Variants in KMO observed in about 807,000 individuals in gnomAD.
The protein encoded by KMO is kynurenine 3-monooxygenase.
In KMO, 24 loss-of-function variants were observed where a neutral mutation model predicts 57.8. The observed-to-expected ratio is 0.42, with a 90% CI of 0.30 to 0.58. The LOEUF (loss-of-function observed/expected upper bound fraction) is 0.58, where lower values mean the gene tolerates loss of function less well. KMO is among the 20% of genes least tolerant of loss of function. The pLI is 0.22. For synonymous variants in KMO, 210 were observed against 193.6 expected (o/e 1.08, Z -0.70); for missense variants, 483 against 588.2 (o/e 0.82, Z 1.85).
intron 14 of KMO, among the ~76,000 whole-genome samples, chr1:241,591,022 A>G (rs1365522621): frequency 4.6e-5 from 7 of 152,174 alleles, no homozygotes; most frequent in Non-Finnish European, 8.8e-5. Flanking sequence ...CTTGAGAGAA[A>G]CAGGGAGCCC....
At position 241,594,223 on chromosome 1, in the gene KMO, T is replaced by C; in HGVS notation, c.*2070T>C. On this transcript the variant is annotated 3_prime_UTR_variant, in exon 15 of 15. Coordinates refer to ENST00000366559, the MANE Select transcript of KMO (RefSeq NM_003679.5). ...TGTGCCACAAGTGGTTTTTTCATTA[T>C]GTAAAGCACCCGTTGAATTAAAAGA... 2 of 488,708 alleles carry C rather than the reference T, an allele frequency of 4.1e-6. No homozygotes were observed. The highest frequency in any genetic ancestry group is 3.9e-5 in the Admixed American group (1 of 25,938). 30.3% of individuals were successfully genotyped at this position (488,708 alleles called of 1,614,324 possible). A position where few individuals can be genotyped will look rare whatever the true frequency, so the allele number is the denominator to read the frequency against.
intron 1 of KMO, among the ~76,000 whole-genome samples, chr1:241,542,822 G>A (rs1300414259): frequency 1.3e-5 from 2 of 152,090 alleles, no homozygotes; most frequent in Non-Finnish European, 2.9e-5. Flanking sequence ...TTCTGTCTTA[G>A]TCCTTCCTGC....
At chr1:241,549,211 A>AAG (rs1294526737) in intron 2 of KMO, among the ~76,000 whole-genome samples, 17 of 4,718 alleles carry the variant, frequency 3.6e-3, no homozygotes, top group African/African-American at 6.5e-3. Context: ...GGAAGAAAGA[A>AAG]AGAAAGAAAG....
intron 1 of KMO, among the ~76,000 whole-genome samples, chr1:241,536,300 T>C (rs1381872744): frequency 2.6e-5 from 4 of 152,188 alleles, no homozygotes; most frequent in African/African-American, 9.6e-5. Flanking sequence ...ACTGCCTTAC[T>C]TCATGTTAGA....
chr1:241,586,690 C>T lies in KMO; in HGVS notation c.969C>T (p.Asp323=). 1 of 1,599,062 alleles carries T rather than the reference C, an allele frequency of 6.3e-7. No individual in the cohort carries two copies. Among genetic ancestry groups the T allele is most frequent in the Non-Finnish European group, 8.5e-7 (1 of 1,173,172 alleles). Reference sequence around the variant, plus strand: ...TTTTCTTGTTTCAGGGCTTTGAAGACTGCTTGGTATTTGATGAGTTAATGG... The same window carrying T: ...TTTTCTTGTTTCAGGGCTTTGAAGATTGCTTGGTATTTGATGAGTTAATGG... ...FGQGMNAGFE[D]CLVFDELMDK... is the part of the protein sequence containing the mutation. The change falls in exon 11 of 15, where the codon GAC becomes GAT. Residue 323 remains aspartate, a synonymous_variant. Transcript: ENST00000366559.
chr1:241,565,652 A>T (rs1662047612), intron 8 of KMO, among the ~76,000 whole-genome samples: 1 of 151,828 alleles, frequency 6.6e-6, no homozygotes, highest in South Asian at 2.1e-4. Flanking sequence ...TGAGCCCCGA[A>T]GATGGAGGCT....
At chr1:241,549,253 GAAAGAAAGA>G (rs1558414894) in intron 2 of KMO, among the ~76,000 whole-genome samples, 39 of 1,514 alleles carry the variant, frequency 0.026, no homozygotes, top group Admixed American at 0.028. Context: ...AAGAAAGAAA[GAAAGAAAGA>G]AAGAAAGGAA....
chr1:241,562,124 A>G, intron 6 of KMO, 43 bp from the exon 7 acceptor site: 1 of 1,562,886 alleles, frequency 6.4e-7, no homozygotes, highest in Non-Finnish European at 8.8e-7. Context: ...CATTTTCACC[A>G]CTAGACATAT....
chr1:241,552,394 T>C (rs1424454715), intron 4 of KMO, among the ~76,000 whole-genome samples: 1 of 152,168 alleles, frequency 6.6e-6, no homozygotes, highest in Non-Finnish European at 1.5e-5. Context: ...CACTTTTATA[T>C]CTCAGTCAAA....
chr1:241,567,838 T>G (rs1032223382), intron 9 of KMO, among the ~76,000 whole-genome samples: 1 of 152,224 alleles, frequency 6.6e-6, no homozygotes, highest in Non-Finnish European at 1.5e-5. Flanking sequence ...ATGGCTATCT[T>G]TTGCCTTTCC....
chr1:241,547,277 T>G (rs1057493918), intron 1 of KMO, among the ~76,000 whole-genome samples: 2 of 152,078 alleles, frequency 1.3e-5, no homozygotes, highest in Admixed American at 1.3e-4. Context: ...AAATAAAAGA[T>G]TGGTGAATAT....
chr1:241,555,380 G>A (rs1418360032), intron 4 of KMO, among the ~76,000 whole-genome samples: 2 of 152,170 alleles, frequency 1.3e-5, no homozygotes. Context: ...GATTTTTAAA[G>A]TATTAAACTT....
At chr1:241,543,918 G>T (rs1445842171) in intron 1 of KMO, among the ~76,000 whole-genome samples, 2 of 152,148 alleles carry the variant, frequency 1.3e-5, no homozygotes, top group East Asian at 1.9e-4. Flanking sequence ...CTCCACCTTG[G>T]TCAGCCCTCC....
intron 10 of KMO, among the ~76,000 whole-genome samples, chr1:241,586,191 CTTTTTTTTTT>C (rs386370217): frequency 1.2e-5 from 1 of 80,058 alleles, no homozygotes; most frequent in Non-Finnish European, 2.3e-5. Flanking sequence ...AGTCTATGGT[CTTTTTTTTTT>C]TTTTTTTTTT....
At chr1:241,566,096 C>T (rs1228726208) in intron 8 of KMO, among the ~76,000 whole-genome samples, 2 of 152,116 alleles carry the variant, frequency 1.3e-5, no homozygotes, top group Non-Finnish European at 2.9e-5. Context: ...GTCCCAGCTA[C>T]TCAGGAGGCT....
chr1:241,576,441 T>C (rs1305637265), intron 10 of KMO, among the ~76,000 whole-genome samples: 1 of 152,160 alleles, frequency 6.6e-6, no homozygotes, highest in Non-Finnish European at 1.5e-5. Context: ...TAGCATTTCT[T>C]GTAAGGCTCA....
rs193291476 is a variant in KMO, at chr1:241,539,923, G to T, written c.54+7425G>T. 5.0e-3 allele frequency among the ~76,000 whole-genome samples: 758 copies of T among 152,226 alleles called. 4 individuals are homozygous for T. Among genetic ancestry groups the T allele is most frequent in the Middle Eastern group, 0.014 (4 of 294 alleles). ...TATGCGTCATACAATTGTCTATAATGCTAAAGAATTAAAATAACTTGAATA... is the reference window on the plus strand; with the variant it reads ...TATGCGTCATACAATTGTCTATAATTCTAAAGAATTAAAATAACTTGAATA... On this transcript the variant is annotated intron_variant, in intron 1 of 14. Transcript: ENST00000366559.
At chr1:241,577,584 G>A (rs373391844) in intron 10 of KMO, among the ~76,000 whole-genome samples, 2 of 152,186 alleles carry the variant, frequency 1.3e-5, no homozygotes, top group East Asian at 1.9e-4. Flanking sequence ...AATGTGCTTG[G>A]TGTGTGTACA....
chr1:241,566,352 A>T, intron 8 of KMO, 139 bp from the exon 9 acceptor site: 1 of 899,762 alleles, frequency 1.1e-6, no homozygotes, highest in Non-Finnish European at 1.7e-6. Flanking sequence ...ACAAAGTGAC[A>T]GTGCCTTTCC....
Sources: allele counts gnomAD v4.1 joint callset (sites outside exome capture counted in the v4.1 genomes callset), GRCh38; gene constraint gnomAD v4.1.1; transcripts MANE v1.5; gene names NCBI Gene and HGNC (gene_info 2026-07-23, HGNC 2026-07-21).